Variants in SLC49A4 observed in about 807,000 individuals in gnomAD.
SLC49A4 encodes the protein solute carrier family 49 member 4.
SLC49A4 carries 36 observed loss-of-function variants against 50.6 expected under a neutral mutation model. The ratio of observed to expected loss-of-function variants is 0.71; its 90% CI spans 0.55 to 0.94. The LOEUF is 0.94. Among genes scored for constraint, SLC49A4 ranks in the 40% least tolerant of loss-of-function variants. SLC49A4 has a pLI of 0.00. For missense variants in SLC49A4, 503 were observed against 605.7 expected, an observed-to-expected ratio of 0.83 and a Z score of 1.78; for synonymous variants, 248 against 241.2, an observed-to-expected ratio of 1.03 and a Z score of -0.26.
chr3:122,795,075 G>A lies in SLC49A4; in HGVS notation c.-118G>A, dbSNP rs557885086. The A allele has an allele frequency of 2.4e-4, 282 of 1,177,094 alleles. 1 individual carries two copies. Among genetic ancestry groups the A allele is most frequent in the Middle Eastern group, 1.3e-3 (4 of 3,058 alleles). The allele number at this position is 1,177,094 out of a possible 1,614,324, so 72.9% of individuals were successfully genotyped here. On this transcript the variant is annotated 5_prime_UTR_variant, in exon 1 of 9. Coordinates refer to ENST00000261038, the MANE Select transcript of SLC49A4 (RefSeq NM_032839.3). The stretch of plus-strand genomic sequence containing the variant: ...GCGCAGGCGCACCAGGCGCGGTCCG[G>A]AGGCCGAGGGCGACCACAGCAGCCT...
In SLC49A4 at chr3:122,833,377, C is replaced by T. The variant is rs1936632808; in HGVS notation, c.764C>T (p.Pro255Leu). The change falls in exon 4 of 9, where the codon CCT (proline) becomes CTT (leucine). Residue 255 changes from proline (P) to leucine (L), a missense_variant. By Grantham distance (98) the Pro-to-Leu change is moderately conservative. Coordinates refer to ENST00000261038, the MANE Select transcript of SLC49A4 (RefSeq NM_032839.3). ...ATLAYFPPRP[P>L]LPPSVAAASQ... is the part of the protein sequence containing the mutation. ...CTAGCTTATTTCCCACCCCGACCTC[C>T]TCTTCCTCCCAGTGTTGCTGCAGCT... The T allele has an allele frequency of 6.2e-7, 1 of 1,613,778 alleles. No homozygotes were observed. Among genetic ancestry groups the T allele is most frequent in the East Asian group, 2.2e-5 (1 of 44,878 alleles).
intron 6 of SLC49A4, among the ~76,000 whole-genome samples, chr3:122,859,367 T>G (rs1044228366): frequency 6.6e-6 from 1 of 152,164 alleles, no homozygotes; most frequent in Non-Finnish European, 1.5e-5. Context: ...GCAGGTCACA[T>G]AGGACCTCAG....
rs563537790 is a variant in SLC49A4, at chr3:122,795,471, C to T, written c.279C>T (p.Leu93=). 3.8e-5 allele frequency: 61 copies of T among 1,606,522 alleles called. No individual in the cohort carries two copies. The highest frequency in any genetic ancestry group is 4.3e-5 in the Non-Finnish European group (51 of 1,179,072). The change falls in exon 1 of 9, where the codon CTC becomes CTT. Residue 93 remains leucine (L), a synonymous_variant. Transcript: ENST00000261038. ...YGFSSWDIAL[L]VLWGPIGFLP... ...TCTCCAGCTGGGACATCGCGCTGCT[C>T]GTGCTGTGGGGGCCCATCGGCTTCC...
intron 2 of SLC49A4, among the ~76,000 whole-genome samples, chr3:122,812,729 A>G (rs78519978): frequency 0.032 from 4,859 of 152,326 alleles, 108 homozygotes; most frequent in Middle Eastern, 0.071. Flanking sequence ...ATGCTTGTCC[A>G]TCCTACAGTA....
At chr3:122,863,576 A>G (rs1176505578) in intron 7 of SLC49A4, among the ~76,000 whole-genome samples, 1 of 152,252 alleles carries the variant, frequency 6.6e-6, no homozygotes, top group Non-Finnish European at 1.5e-5. Context: ...CCTTTTAAGT[A>G]AAAGAGGTTT....
chr3:122,801,392 AC>A (rs1936125699), intron 1 of SLC49A4, among the ~76,000 whole-genome samples: 1 of 152,112 alleles, frequency 6.6e-6, no homozygotes, highest in South Asian at 2.1e-4. Context: ...GGAATTCAAG[AC>A]CACCCTGGCC....
chr3:122,818,754 G>A (rs1046060673), intron 2 of SLC49A4, among the ~76,000 whole-genome samples: 2 of 151,872 alleles, frequency 1.3e-5, no homozygotes, highest in Non-Finnish European at 2.9e-5. Flanking sequence ...GAGCAGCCTG[G>A]CTAACATGGT....
chr3:122,844,229 C>T (rs1936817634), intron 4 of SLC49A4, among the ~76,000 whole-genome samples: 1 of 152,154 alleles, frequency 6.6e-6, no homozygotes, highest in Non-Finnish European at 1.5e-5. Flanking sequence ...CACCACTATA[C>T]CTGGCTAATT....
In SLC49A4 at chr3:122,806,845, G is replaced by T. The variant is rs1936225356; in HGVS notation, c.344-12G>T. 6.4e-7 allele frequency: 1 copy of T among 1,551,538 alleles called. No individual in the cohort carries two copies. The highest frequency in any genetic ancestry group is 8.9e-7 in the Non-Finnish European group (1 of 1,126,236). Reference sequence around the variant, plus strand: ...AAATCAAGATAATTTCAATGTCTTTGTTTCATTTTAGGTCTCCGGATAACT... The same window carrying T: ...AAATCAAGATAATTTCAATGTCTTTTTTTCATTTTAGGTCTCCGGATAACT... On this transcript the variant is annotated splice_polypyrimidine_tract_variant and intron_variant, in intron 1 of 8. Transcript: ENST00000261038.
At position 122,845,800 on chromosome 3, in the gene SLC49A4, A is replaced by G. The variant is rs1560222512; in HGVS notation, c.871A>G (p.Ile291Val). Reference sequence around the variant, plus strand: ...TTTGATGATTGCTTTAGCATATGCCATACCACTTGGTGTATTTGCTGGCTG... The same window carrying G: ...TTTGATGATTGCTTTAGCATATGCCGTACCACTTGGTGTATTTGCTGGCTG... Reference protein sequence around the residue: ...RFLMIALAYAIPLGVFAGWSG... With the variant: ...RFLMIALAYAVPLGVFAGWSG... Residue 291 changes from isoleucine to valine, a missense_variant, in exon 5 of 9, where the codon ATA becomes GTA. Transcript: ENST00000261038. The G allele has an allele frequency of 3.1e-6, 5 of 1,612,322 alleles. No homozygotes were observed. Among genetic ancestry groups the G allele is most frequent in the African/African-American group, 1.3e-5 (1 of 74,954 alleles).
At chr3:122,801,739 C>T (rs1936136800) in intron 1 of SLC49A4, among the ~76,000 whole-genome samples, 1 of 152,158 alleles carries the variant, frequency 6.6e-6, no homozygotes, top group Non-Finnish European at 1.5e-5. Context: ...GAGAGACCAG[C>T]ATACTGAAAG....
At chr3:122,859,297 A>G (rs895554481) in intron 6 of SLC49A4, among the ~76,000 whole-genome samples, 1 of 152,188 alleles carries the variant, frequency 6.6e-6, no homozygotes, top group Non-Finnish European at 1.5e-5. Context: ...CATGTATGAG[A>G]AACAGAAACA....
At chr3:122,837,949 A>G (rs1936713602) in intron 4 of SLC49A4, among the ~76,000 whole-genome samples, 1 of 152,198 alleles carries the variant, frequency 6.6e-6, no homozygotes, top group Non-Finnish European at 1.5e-5. Context: ...CAAAAAACAC[A>G]TGAAAAAATG....
chr3:122,837,230 C>G (rs928755054), intron 4 of SLC49A4, among the ~76,000 whole-genome samples: 6 of 152,072 alleles, frequency 3.9e-5, no homozygotes, highest in Non-Finnish European at 7.4e-5. Flanking sequence ...TCATATGGAA[C>G]CAAAAAAGAG....
chr3:122,828,163 G>C (rs561934837), intron 3 of SLC49A4, among the ~76,000 whole-genome samples: 3 of 152,150 alleles, frequency 2.0e-5, no homozygotes, highest in African/African-American at 7.2e-5. Flanking sequence ...TGTTTTGAAC[G>C]CCTATGTATC....
chr3:122,826,693 A>T (rs2107565325), intron 2 of SLC49A4, 107 bp from the exon 3 acceptor site: 1 of 1,085,604 alleles, frequency 9.2e-7, no homozygotes, highest in Non-Finnish European at 1.3e-6. Context: ...CTTTACAGAT[A>T]TGTATACTTA....
chr3:122,876,167 TC>T (rs1299210794), intron 8 of SLC49A4, among the ~76,000 whole-genome samples: 1 of 152,260 alleles, frequency 6.6e-6, no homozygotes, highest in Non-Finnish European at 1.5e-5. Flanking sequence ...GATGCTTTAT[TC>T]TAATGATGTC....
chr3:122,859,430 G>A (rs770001830), intron 6 of SLC49A4, among the ~76,000 whole-genome samples: 27 of 152,178 alleles, frequency 1.8e-4, no homozygotes, highest in Non-Finnish European at 2.6e-4. Flanking sequence ...TGAATTTTGA[G>A]AGAGATCTTT....
intron 5 of SLC49A4, among the ~76,000 whole-genome samples, chr3:122,855,181 A>G (rs1300799915): frequency 6.6e-6 from 1 of 152,200 alleles, no homozygotes; most frequent in Non-Finnish European, 1.5e-5. Context: ...CTCAAGTGCC[A>G]GGTCAAGTTT....
Sources: allele counts gnomAD v4.1 joint callset (sites outside exome capture counted in the v4.1 genomes callset), GRCh38; gene constraint gnomAD v4.1.1; transcripts MANE v1.5; gene names NCBI Gene and HGNC (gene_info 2026-07-23, HGNC 2026-07-21).